Variants in RASSF5 observed in about 807,000 individuals in gnomAD.
The protein encoded by RASSF5 is ras association domain-containing protein 5.
Under a neutral mutation model 40.5 loss-of-function variants are expected in RASSF5, and 25 were observed. The ratio of observed to expected loss-of-function variants is 0.62; its 90% CI spans 0.45 to 0.86. RASSF5 has a LOEUF of 0.86. Ranked by LOEUF, RASSF5 falls within the 40% of genes least tolerant of loss-of-function variation. RASSF5 has a pLI of 0.00. For missense variants in RASSF5, 521 were observed against 572.8 expected (o/e 0.91, Z 0.92); for synonymous variants, 246 against 252.4 (o/e 0.97, Z 0.24).
In RASSF5 at chr1:206,584,324, G is replaced by C; in HGVS notation, c.691-63G>C. On this transcript the variant is annotated intron_variant, in intron 3 of 5. Coordinates refer to ENST00000579436, the MANE Select transcript of RASSF5 (RefSeq NM_182663.4). The surrounding 1 kb of genome is among the most constrained non-coding windows in gnomAD (Gnocchi z 4.9). The stretch of plus-strand genomic sequence containing the variant: ...GGTGCTGCTGGGGCAATGGCCCCGA[G>C]TGGCAGATATGATCATGCAAGGCGG... The C allele has an allele frequency of 6.6e-7, 1 of 1,507,560 alleles. No individual in the cohort carries two copies. The highest frequency in any genetic ancestry group is 9.0e-7 in the Non-Finnish European group (1 of 1,114,810). 93.4% of individuals were successfully genotyped at this position (1,507,560 alleles called of 1,614,324 possible).
In RASSF5 at chr1:206,507,778, G is replaced by A; in HGVS notation, c.176G>A (p.Gly59Glu). The part of the protein sequence containing the change: ...PLSTAPGARE[G>E]RSARRAARGN... ...TCCACTGCGCCCGGGGCGCGCGAGG[G>A]GCGCAGCGCCCGGAGGGCTGCCCGG... The change falls in exon 1 of 6, where the codon GGG (glycine) becomes GAG (glutamate). Residue 59 changes from glycine to glutamate, a missense_variant. Around this residue, in one of 2 missense-constraint regions of RASSF5, gnomAD observed 237 missense variants for 212.0 expected, o/e 1.12. Coordinates refer to ENST00000579436, the MANE Select transcript of RASSF5 (RefSeq NM_182663.4). 1 of 1,392,176 alleles carries A rather than the reference G, an allele frequency of 7.2e-7. No homozygotes were observed. The highest frequency in any genetic ancestry group is 9.2e-7 in the Non-Finnish European group (1 of 1,083,762). The allele number at this position is 1,392,176 out of a possible 1,614,324, so 86.2% of individuals were successfully genotyped here.
chr1:206,562,813 T>A (rs909474151), intron 2 of RASSF5, among the ~76,000 whole-genome samples: 1 of 151,734 alleles, frequency 6.6e-6, no homozygotes, highest in Non-Finnish European at 1.5e-5. Context: ...GGCTAACTAC[T>A]TGGGAGGCTG....
intron 2 of RASSF5, among the ~76,000 whole-genome samples, chr1:206,548,934 C>T (rs539861755): frequency 2.6e-5 from 4 of 152,128 alleles, no homozygotes; most frequent in South Asian, 2.1e-4. Flanking sequence ...GGCGCGTTCT[C>T]GGCTCACTGC....
At chr1:206,518,395 AG>A (rs1666817580) in intron 1 of RASSF5, 1 of 398,438 alleles carries the variant, frequency 2.5e-6, no homozygotes, top group African/African-American at 2.1e-5. Context: ...GAGATGACCG[AG>A]GGCCAGGAGG....
chr1:206,553,681 T>C (rs782626314), intron 2 of RASSF5, among the ~76,000 whole-genome samples: 2 of 152,038 alleles, frequency 1.3e-5, no homozygotes, highest in Non-Finnish European at 2.9e-5. Flanking sequence ...TAGGTGAGAC[T>C]TACCCCCCAA....
chr1:206,555,711 G>A (rs1305315975), intron 2 of RASSF5, among the ~76,000 whole-genome samples: 1 of 152,224 alleles, frequency 6.6e-6, no homozygotes, highest in Non-Finnish European at 1.5e-5. Context: ...TGCACCGAGG[G>A]CGGCCAGCCG....
chr1:206,539,394 C>T (rs868951206), intron 2 of RASSF5, among the ~76,000 whole-genome samples: 2 of 152,052 alleles, frequency 1.3e-5, no homozygotes, highest in South Asian at 2.1e-4. Context: ...CACGAGCAGC[C>T]CCCCGGTCTC....
chr1:206,559,283 G>A (rs1304112493), intron 2 of RASSF5, among the ~76,000 whole-genome samples: 1 of 152,214 alleles, frequency 6.6e-6, no homozygotes, highest in East Asian at 1.9e-4. Context: ...CTGCCAGCTA[G>A]GCTGCAAGCC....
intron 2 of RASSF5, chr1:206,557,552 TCGGC>T: frequency 6.2e-7 from 1 of 1,612,898 alleles, no homozygotes; most frequent in South Asian, 1.1e-5. Context: ...GCTGGCGGCC[TCGGC>T]CGGGAACTCC....
At chr1:206,585,354 GGGT>G in intron 5 of RASSF5, 59 bp downstream of exon 5, 1 of 1,280,800 alleles carries the variant, frequency 7.8e-7, no homozygotes, top group Non-Finnish European at 1.1e-6. Context: ...GGGTGCAGGT[GGGT>G]GTTGTCCTAA....
chr1:206,585,360 T>C, intron 5 of RASSF5, 65 bp downstream of exon 5: 1 of 1,162,940 alleles, frequency 8.6e-7, no homozygotes, highest in Non-Finnish European at 1.3e-6. Flanking sequence ...AGGTGGGTGT[T>C]GTCCTAACTA....
In RASSF5 at chr1:206,523,779, TATATA is replaced by T. The variant is rs1454337842; in HGVS notation, c.458-14387_458-14383del. Among the ~76,000 whole-genome samples the T allele has an allele frequency of 5.8e-5, 6 of 103,388 alleles. No homozygotes were observed. In the South Asian group the frequency reaches 9.8e-4, roughly 17 times the overall value. The allele number at this position is 103,388 out of a possible 152,430, so 67.8% of individuals were successfully genotyped here. A position where few individuals can be genotyped will look rare whatever the true frequency, so the allele number is the denominator to read the frequency against. On this transcript the variant is annotated intron_variant, in intron 1 of 5. Transcript: ENST00000579436. ...TATACATAATATATTTTATATATTA[TATATA>T]ATATATTTTATATATAATGTACAAT... is the stretch of plus-strand genomic sequence containing the variant.
chr1:206,565,488 C>A (rs1402946773), intron 2 of RASSF5, among the ~76,000 whole-genome samples: 2 of 152,206 alleles, frequency 1.3e-5, no homozygotes, highest in Non-Finnish European at 2.9e-5. Flanking sequence ...GTGTTTTTAA[C>A]TTTCCTATAG....
intron 1 of RASSF5, among the ~76,000 whole-genome samples, chr1:206,511,899 T>C (rs1666625667): frequency 1.3e-5 from 2 of 152,128 alleles, no homozygotes; most frequent in South Asian, 4.1e-4. Flanking sequence ...TGTGGGTTCT[T>C]TGTGAAAAAG....
rs73080958 is a variant in RASSF5 at position 206,570,337 on chromosome 1, T to G, written c.580-12932T>G. Among the ~76,000 whole-genome samples the G allele has an allele frequency of 7.0e-3, 1,072 of 152,140 alleles. 15 individuals carry two copies. The highest frequency in any genetic ancestry group is 0.021 in the African/African-American group (860 of 41,490). ...TCAGACTCTGGGCCTCAAGAGATCT[T>G]CCTGCCTCGGCCTCCCTAAGTTCTG... is the stretch of plus-strand genomic sequence containing the variant. On this transcript the variant is annotated intron_variant, in intron 2 of 5. Transcript: ENST00000579436.
intron 1 of RASSF5, among the ~76,000 whole-genome samples, chr1:206,521,105 C>T (rs1164429710): frequency 1.3e-5 from 2 of 152,132 alleles, no homozygotes; most frequent in Admixed American, 6.6e-5. Context: ...ATTAGCCCAC[C>T]GGGTATCTTT....
Position 206,513,498 on chromosome 1 carries a change from T to C in RASSF5, c.457+5439T>C, listed in dbSNP as rs1666671722. Among the ~76,000 whole-genome samples, 1 of 152,206 alleles carries C rather than the reference T, an allele frequency of 6.6e-6. No homozygotes were observed. The highest frequency in any genetic ancestry group is 1.5e-5 in the Non-Finnish European group (1 of 68,032). ...CTGGTATGATTTCCTTCTCACAAGC[T>C]TGCAGACCTGGGTCTGTGCTGGTGG... On this transcript the variant is annotated intron_variant, in intron 1 of 5. Transcript: ENST00000579436. This position sits in a 1 kb window ranked among gnomAD's most constrained non-coding sequence, Gnocchi z 5.0.
At chr1:206,527,686 G>A (rs1667131728) in intron 1 of RASSF5, among the ~76,000 whole-genome samples, 1 of 152,068 alleles carries the variant, frequency 6.6e-6, no homozygotes, top group Non-Finnish European at 1.5e-5. Flanking sequence ...CCTCAGGTGG[G>A]GTACTCTCCC....
intron 1 of RASSF5, among the ~76,000 whole-genome samples, chr1:206,523,736 A>G (rs1666994466): frequency 1.0e-5 from 1 of 99,748 alleles, no homozygotes; most frequent in South Asian, 2.5e-4. Context: ...TATATTATAT[A>G]TAATATATTT....
Sources: allele counts gnomAD v4.1 joint callset (sites outside exome capture counted in the v4.1 genomes callset), GRCh38; gene constraint gnomAD v4.1.1; regional missense constraint gnomAD v4.1.1; non-coding constraint Gnocchi (gnomAD v3.1); transcripts MANE v1.5; gene names NCBI Gene and HGNC (gene_info 2026-07-23, HGNC 2026-07-21).